Variants in TTC13 observed in about 807,000 individuals in gnomAD.
TTC13 encodes tetratricopeptide repeat protein 13.
TTC13 carries 62 observed loss-of-function variants against 120.0 expected under a neutral mutation model. The ratio of observed to expected loss-of-function variants is 0.52; its 90% CI spans 0.42 to 0.64. The LOEUF is 0.64. TTC13 is among the 30% of genes least tolerant of loss of function. The pLI, the probability that TTC13 is intolerant of heterozygous loss-of-function variation, is 0.00. For missense variants in TTC13, 824 were observed against 1,050.2 expected (o/e 0.78, Z 2.98); for synonymous variants, 384 against 393.5 (o/e 0.98, Z 0.28).
At chr1:230,976,888 C>T (rs1048298334) in intron 1 of TTC13, among the ~76,000 whole-genome samples, 2 of 152,138 alleles carry the variant, frequency 1.3e-5, no homozygotes, top group East Asian at 1.9e-4. Context: ...TAGTATTAAT[C>T]GATACATACC....
intron 16 of TTC13, among the ~76,000 whole-genome samples, chr1:230,921,171 T>A (rs2102787703): frequency 6.6e-6 from 1 of 152,308 alleles, no homozygotes; most frequent in Admixed American, 6.5e-5. Flanking sequence ...ACATCCTGCT[T>A]TATAGAAGAA....
Position 230,924,828 on chromosome 1 carries a change from AGATGT to A in TTC13, c.1721+8_1721+12del. On this transcript the variant is annotated splice_region_variant and intron_variant, in intron 14 of 22. Transcript: ENST00000366661. ...TAAGACTTATAGTTTATTTTCACTGAGATGTTAGTTACCTTCTCCATTTAACTGCA... is the reference window on the plus strand; with the variant it reads ...TAAGACTTATAGTTTATTTTCACTGATAGTTACCTTCTCCATTTAACTGCA... 6.2e-7 allele frequency: 1 copy of A among 1,614,048 alleles called. No individual in the cohort carries two copies. The highest frequency in any genetic ancestry group is 8.5e-7 in the Non-Finnish European group (1 of 1,179,942).
At chr1:230,932,517 G>A (rs971693965) in intron 9 of TTC13, among the ~76,000 whole-genome samples, 10 of 152,110 alleles carry the variant, frequency 6.6e-5, no homozygotes, top group African/African-American at 1.7e-4. Context: ...GGGCTCAGGC[G>A]ATGCTCCCAC....
chr1:230,959,813 G>A (rs1006323273), intron 2 of TTC13, among the ~76,000 whole-genome samples: 14 of 152,232 alleles, frequency 9.2e-5, no homozygotes, highest in African/African-American at 3.4e-4. Flanking sequence ...ATCACTAGTA[G>A]ACTAATTTCA....
At chr1:230,918,391 G>C (rs1489214191) in intron 17 of TTC13, among the ~76,000 whole-genome samples, 4 of 152,152 alleles carry the variant, frequency 2.6e-5, no homozygotes, top group African/African-American at 9.7e-5. Flanking sequence ...CAGGTGTGAA[G>C]CACTGGCTAC....
In TTC13 at chr1:230,963,671, T is replaced by TAAATAAATAAATAAAA. The variant is rs781569617; in HGVS notation, c.272-2369_272-2368insTTTTATTTATTTATTT. On this transcript the variant is annotated intron_variant, in intron 1 of 22. Transcript: ENST00000366661. Reference sequence around the variant, plus strand: ...ATAAATAAATAAATAAATAAATAAATAAAAGAAAAAAGAATGGATGGATTT... The same window carrying TAAATAAATAAATAAAA: ...ATAAATAAATAAATAAATAAATAAATAAATAAATAAATAAAAAAAAGAAAAAAGAATGGATGGATTT... 7.4e-3 allele frequency among the ~76,000 whole-genome samples: 815 copies of TAAATAAATAAATAAAA among 109,884 alleles called. 5 individuals carry two copies. Among genetic ancestry groups the TAAATAAATAAATAAAA allele is most frequent in the Middle Eastern group, 0.019 (4 of 214 alleles). 72.1% of individuals were successfully genotyped at this position (109,884 alleles called of 152,430 possible).
intron 15 of TTC13, among the ~76,000 whole-genome samples, chr1:230,922,410 C>A (rs1672661637): frequency 1.3e-5 from 2 of 152,238 alleles, no homozygotes; most frequent in African/African-American, 4.8e-5. Flanking sequence ...CCTCTCCAAT[C>A]TATTTTGCCA....
At position 230,918,351 on chromosome 1, in the gene TTC13, T is replaced by C. The variant is rs773225388; in HGVS notation, c.1984-2049A>G. Among the ~76,000 whole-genome samples the C allele has an allele frequency of 2.6e-5, 4 of 152,200 alleles. No individual in the cohort carries two copies. In the East Asian group the frequency reaches 5.8e-4, roughly 22 times the overall value. On this transcript the variant is annotated intron_variant, in intron 17 of 22. Coordinates refer to ENST00000366661, the MANE Select transcript of TTC13 (RefSeq NM_024525.5). ...ACACACAGATATGGGGCTACACTTA[T>C]AACTGTCACATTCACCATGATTTTA...
chr1:230,978,850 G>A lies in TTC13; in HGVS notation c.-20C>T. The stretch of plus-strand genomic sequence containing the variant: ...TGCCATCTTCCCTCAAGGCGCATGC[G>A]CGACAGCCCTTGCCCGGCTCTCAGG... On this transcript the variant is annotated 5_prime_UTR_variant, in exon 1 of 23. Transcript: ENST00000366661. This position sits in a 1 kb window ranked among gnomAD's most constrained non-coding sequence, Gnocchi z 5.6. The A allele has an allele frequency of 6.9e-7, 1 of 1,450,882 alleles. No individual in the cohort carries two copies. Among genetic ancestry groups the A allele is most frequent in the Non-Finnish European group, 9.0e-7 (1 of 1,112,376 alleles). The allele number at this position is 1,450,882 out of a possible 1,614,324, so 89.9% of individuals were successfully genotyped here. A position where few individuals can be genotyped will look rare whatever the true frequency, so the allele number is the denominator to read the frequency against.
rs564240316 is a variant in TTC13 at position 230,951,040 on chromosome 1, G to A, written c.513+3293C>T. 2.6e-5 allele frequency among the ~76,000 whole-genome samples: 4 copies of A among 152,264 alleles called. No homozygotes were observed. The South Asian group carries it at 8.3e-4, about 32-fold the overall frequency. On this transcript the variant is annotated intron_variant, in intron 4 of 22. Coordinates refer to ENST00000366661, the MANE Select transcript of TTC13 (RefSeq NM_024525.5). Reference sequence around the variant, plus strand: ...TAAACCCTGTCATTGTGCTCAGTTAGAAACCTTGATACTTCTGTAAAGGAA... The same window carrying A: ...TAAACCCTGTCATTGTGCTCAGTTAAAAACCTTGATACTTCTGTAAAGGAA...
chr1:230,976,704 G>A (rs1678345427), intron 1 of TTC13, among the ~76,000 whole-genome samples: 2 of 147,598 alleles, frequency 1.4e-5, no homozygotes, highest in South Asian at 4.4e-4. Flanking sequence ...GAAAAAGAAG[G>A]TAGAAACATC....
chr1:230,972,564 A>G (rs902512571), intron 1 of TTC13, among the ~76,000 whole-genome samples: 1 of 152,224 alleles, frequency 6.6e-6, no homozygotes, highest in Non-Finnish European at 1.5e-5. Flanking sequence ...TCAGTCAAGT[A>G]TATATTGAGT....
At chr1:230,949,123 T>C (rs1675289004) in intron 4 of TTC13, among the ~76,000 whole-genome samples, 1 of 152,064 alleles carries the variant, frequency 6.6e-6, no homozygotes, top group East Asian at 2.0e-4. Context: ...AAAGTCATGC[T>C]ATTCTTGCCA....
chr1:230,958,443 GT>G, intron 2 of TTC13, 144 bp from the exon 3 acceptor site: 1 of 934,790 alleles, frequency 1.1e-6, no homozygotes, highest in Non-Finnish European at 1.6e-6. Context: ...TTGTGGGAAT[GT>G]TTTACACTTT....
intron 2 of TTC13, among the ~76,000 whole-genome samples, chr1:230,960,021 G>C (rs966902404): frequency 6.6e-6 from 1 of 152,184 alleles, no homozygotes; most frequent in African/African-American, 2.4e-5. Context: ...TATCTGGCTT[G>C]CTGCTGTATT....
At chr1:230,955,036 G>A (rs1320111793) in intron 3 of TTC13, among the ~76,000 whole-genome samples, 1 of 152,172 alleles carries the variant, frequency 6.6e-6, no homozygotes, top group Non-Finnish European at 1.5e-5. Context: ...GTTTAGGAAA[G>A]TGGTATTTTG....
intron 1 of TTC13, among the ~76,000 whole-genome samples, chr1:230,973,459 A>G (rs1441880544): frequency 4.6e-5 from 7 of 152,220 alleles, no homozygotes; most frequent in Non-Finnish European, 8.8e-5. Flanking sequence ...CTTTTCCCAT[A>G]AAGAACTGTG....
In TTC13 at chr1:230,931,632, T is replaced by TAGAAACACTATTCTCAGTCC. The variant is rs1424408535; in HGVS notation, c.1125+84_1125+103dup. ...TTTCTTCTCTTTCTTTTTGTTGGAG[T>TAGAAACACTATTCTCAGTCC]AGAAACACTATTCTCAGTCCCCCTT... On this transcript the variant is annotated intron_variant, in intron 10 of 22. Transcript: ENST00000366661. 5.4e-6 allele frequency: 8 copies of TAGAAACACTATTCTCAGTCC among 1,484,004 alleles called. No homozygotes were observed. In the African/African-American group the frequency reaches 1.1e-4, roughly 21 times the overall value. 91.9% of individuals were successfully genotyped at this position (1,484,004 alleles called of 1,614,324 possible).
rs1386257462 is a variant in TTC13 at position 230,975,284 on chromosome 1, C to T, written c.271+3276G>A. The stretch of plus-strand genomic sequence containing the variant: ...AGCTACTTGGGAAGCTGAGGCAGGA[C>T]GATGGCTTCAAACCAGGAATTTAAG... On this transcript the variant is annotated intron_variant, in intron 1 of 22. Transcript: ENST00000366661. 2.0e-5 allele frequency among the ~76,000 whole-genome samples: 3 copies of T among 151,782 alleles called. No homozygotes were observed. The South Asian group carries it at 6.2e-4, about 32-fold the overall frequency.
Sources: gnomAD v4.1 joint callset for allele counts (sites outside exome capture counted in the v4.1 genomes callset) on GRCh38, gnomAD v4.1.1 for gene constraint, Gnocchi (gnomAD v3.1) non-coding constraint, MANE v1.5 for transcripts, NCBI Gene and HGNC (gene_info 2026-07-23, HGNC 2026-07-21) for gene names.